Variants in PRKN observed in about 807,000 individuals in gnomAD.
PRKN encodes E3 ubiquitin-protein ligase parkin.
In PRKN, 56 loss-of-function variants were observed where a neutral mutation model predicts 59.5. The ratio of observed to expected loss-of-function variants is 0.94; its 90% confidence interval spans 0.76 to 1.18. PRKN has a LOEUF of 1.18. PRKN is among the 50% of genes most tolerant of loss of function. The pLI, the probability that PRKN is intolerant of heterozygous loss-of-function variation, is 0.00. For synonymous variants in PRKN, 250 were observed against 222.1 expected, an observed-to-expected ratio of 1.13 and a Z score of -1.12; for missense variants, 657 against 596.4, an observed-to-expected ratio of 1.10 and a Z score of -1.06.
At chr6:161,761,450 T>C (rs1789198602) in intron 7 of PRKN, among the ~76,000 whole-genome samples, 4 of 152,126 alleles carry the variant, frequency 2.6e-5, no homozygotes, top group Admixed American at 2.6e-4. Context: ...AATGCTCACA[T>C]GACAAATGAC....
At chr6:162,662,609 G>A (rs975974356) in intron 1 of PRKN, among the ~76,000 whole-genome samples, 1 of 152,062 alleles carries the variant, frequency 6.6e-6, no homozygotes, top group Middle Eastern at 3.2e-3. Flanking sequence ...TATGGTGAAA[G>A]GTGTGAGTCC....
intron 9 of PRKN, among the ~76,000 whole-genome samples, chr6:161,508,502 A>C (rs570003002): frequency 5.3e-5 from 8 of 152,268 alleles, no homozygotes; most frequent in African/African-American, 1.9e-4. Flanking sequence ...ACATGATGAA[A>C]AATTCTCCCC....
intron 4 of PRKN, among the ~76,000 whole-genome samples, chr6:162,138,771 C>T (rs1230271727): frequency 6.6e-6 from 1 of 151,938 alleles, no homozygotes; most frequent in Non-Finnish European, 1.5e-5. Flanking sequence ...GAGAGATTAA[C>T]AATTGATTAG....
chr6:161,845,306 T>C (rs1016044046), intron 6 of PRKN, among the ~76,000 whole-genome samples: 2 of 152,138 alleles, frequency 1.3e-5, no homozygotes, highest in Non-Finnish European at 2.9e-5. Flanking sequence ...TCCACCACAG[T>C]GTGCCCTACA....
intron 8 of PRKN, among the ~76,000 whole-genome samples, chr6:161,559,075 C>CAA (rs5881417): frequency 4.5e-5 from 6 of 133,450 alleles, no homozygotes; most frequent in Admixed American, 2.2e-4. Flanking sequence ...AACCAGTAAA[C>CAA]AAAAAAAACA....
In PRKN at chr6:162,633,199, C is replaced by T. The variant is rs369936292; in HGVS notation, c.7+94463G>A. Among the ~76,000 whole-genome samples, 65 of 151,408 alleles carry T rather than the reference C, an allele frequency of 4.3e-4. 1 individual carries two copies. The South Asian group carries it at 0.012, about 28-fold the overall frequency. The stretch of plus-strand genomic sequence containing the variant: ...CCTTAATCCCAGCACTTTGGGAGGC[C>T]GAGGTGGGTGGATAACTTGAGGTAA... On this transcript the variant is annotated intron_variant, in intron 1 of 11. Coordinates refer to ENST00000366898, the MANE Select transcript of PRKN (RefSeq NM_004562.3).
At chr6:162,282,514 A>G (rs898446625) in intron 2 of PRKN, among the ~76,000 whole-genome samples, 3 of 152,232 alleles carry the variant, frequency 2.0e-5, no homozygotes, top group African/African-American at 7.2e-5. Flanking sequence ...TCTTAGATGT[A>G]CATGCAGAAA....
At chr6:161,621,296 CT>C (rs1465009912) in intron 7 of PRKN, among the ~76,000 whole-genome samples, 2 of 152,084 alleles carry the variant, frequency 1.3e-5, no homozygotes, top group Admixed American at 6.5e-5. Context: ...CATCTACAAG[CT>C]GAAGACCCTG....
At chr6:162,418,613 A>AGTGTGTGGGTGTGTGTGTGT (rs1788769424) in intron 2 of PRKN, among the ~76,000 whole-genome samples, 1 of 126,324 alleles carries the variant, frequency 7.9e-6, no homozygotes, top group Non-Finnish European at 1.6e-5. Context: ...AGGGACAGAC[A>AGTGTGTGGGTGTGTGTGTGT]GTGTGTGTGT....
At chr6:161,366,969 G>GT (rs1211526607) in intron 10 of PRKN, among the ~76,000 whole-genome samples, 4 of 134,532 alleles carry the variant, frequency 3.0e-5, no homozygotes, top group South Asian at 5.0e-4. Context: ...GTTTTTTGGG[G>GT]TTTTTTTGTT....
intron 7 of PRKN, among the ~76,000 whole-genome samples, chr6:161,768,734 A>G (rs1317651148): frequency 6.6e-6 from 1 of 152,168 alleles, no homozygotes; most frequent in Non-Finnish European, 1.5e-5. Flanking sequence ...TTAATATCAT[A>G]CTTGATTTCA....
chr6:162,305,260 A>G (rs1010093975), intron 2 of PRKN, among the ~76,000 whole-genome samples: 1 of 152,172 alleles, frequency 6.6e-6, no homozygotes, highest in Non-Finnish European at 1.5e-5. Context: ...CGGAAGTGCC[A>G]GGCCACTATT....
chr6:162,060,213 G>A (rs1778041753), intron 4 of PRKN, among the ~76,000 whole-genome samples: 1 of 152,176 alleles, frequency 6.6e-6, no homozygotes, highest in South Asian at 2.1e-4. Context: ...TGTATGAGTA[G>A]GTATGTCCTG....
chr6:162,414,768 GAATAA>G (rs1325017193), intron 2 of PRKN, among the ~76,000 whole-genome samples: 3 of 140,114 alleles, frequency 2.1e-5, no homozygotes, highest in African/African-American at 8.0e-5. Context: ...TCTATGGATA[GAATAA>G]AATAATCAGA....
intron 1 of PRKN, chr6:162,569,479 C>T (rs1184202328): frequency 1.3e-5 from 9 of 689,566 alleles, no homozygotes; most frequent in Non-Finnish European, 2.5e-5. Context: ...AGGAGAGCCA[C>T]CTGGAGTCTG....
At chr6:162,250,044 G>A (rs917918767) in intron 3 of PRKN, among the ~76,000 whole-genome samples, 2 of 152,210 alleles carry the variant, frequency 1.3e-5, no homozygotes, top group Non-Finnish European at 2.9e-5. Flanking sequence ...TACTCCGGAG[G>A]CTGAGGCAGG....
intron 9 of PRKN, among the ~76,000 whole-genome samples, chr6:161,542,062 C>CAACATGAA (rs1456115609): frequency 1.3e-5 from 2 of 152,166 alleles, no homozygotes; most frequent in Admixed American, 1.3e-4. Context: ...TCAGCCTACT[C>CAACATGAA]AACATGAAGA....
At chr6:161,505,277 G>T (rs1350971165) in intron 9 of PRKN, among the ~76,000 whole-genome samples, 1 of 152,036 alleles carries the variant, frequency 6.6e-6, no homozygotes, top group Non-Finnish European at 1.5e-5. Flanking sequence ...GATGGCCAGT[G>T]ATGGTGAGCA....
rs533345197 is a variant in PRKN at position 162,377,437 on chromosome 6, C to A, written c.171+65873G>T. On this transcript the variant is annotated intron_variant, in intron 2 of 11. Transcript: ENST00000366898. Reference sequence around the variant, plus strand: ...CCCCAGAGGCAGATATTCTTGGCTGCCTTCTTGAGTGCCCTGACGGGGGCC... The same window carrying A: ...CCCCAGAGGCAGATATTCTTGGCTGACTTCTTGAGTGCCCTGACGGGGGCC... Among the ~76,000 whole-genome samples the A allele has an allele frequency of 3.3e-5, 5 of 152,310 alleles. No individual in the cohort carries two copies. In the South Asian group the frequency reaches 1.0e-3, roughly 32 times the overall value.
Sources: allele counts gnomAD v4.1 joint callset (sites outside exome capture counted in the v4.1 genomes callset), GRCh38; gene constraint gnomAD v4.1.1; transcripts MANE v1.5; gene names NCBI Gene and HGNC (gene_info 2026-07-23, HGNC 2026-07-21).